EYS: variants seen among roughly 807,000 people sequenced by gnomAD.
The protein encoded by EYS is EGF-like photoreceptor maintenance factor.
EYS carries 250 observed loss-of-function variants against 282.1 expected under a neutral mutation model. The ratio of observed to expected loss-of-function variants is 0.89; its 90% CI spans 0.80 to 0.98. EYS has a LOEUF of 0.98. Ranked by LOEUF, EYS falls within the 50% of genes least tolerant of loss-of-function variation. The pLI, the probability that EYS is intolerant of heterozygous loss-of-function variation, is 0.00. For synonymous variants in EYS, 1,355 were observed against 1,282.9 expected (o/e 1.06, Z -1.20); for missense variants, 4,016 against 3,709.0 (o/e 1.08, Z -2.15).
chr6:63,977,908 A>T (rs1056255427), intron 35 of EYS, among the ~76,000 whole-genome samples: 1 of 152,022 alleles, frequency 6.6e-6, no homozygotes, highest in Non-Finnish European at 1.5e-5. Context: ...CCCACTCTAA[A>T]TTCTTGAACT....
intron 31 of EYS, among the ~76,000 whole-genome samples, chr6:64,198,164 A>ATTTT (rs35484359): frequency 7.2e-6 from 1 of 138,694 alleles, no homozygotes. Context: ...GGCCCGGCTA[A>ATTTT]TTTTTTTTTT....
At chr6:64,816,109 C>CT in intron 21 of EYS, among the ~76,000 whole-genome samples, 1 of 152,016 alleles carries the variant, frequency 6.6e-6, no homozygotes, top group Non-Finnish European at 1.5e-5. Context: ...TAGTGGAATA[C>CT]TTTCCTCAAT....
chr6:64,069,710 A>T (rs1719193166), intron 32 of EYS, among the ~76,000 whole-genome samples: 1 of 152,072 alleles, frequency 6.6e-6, no homozygotes, highest in Non-Finnish European at 1.5e-5. Flanking sequence ...ATTATATGAA[A>T]TGAGTGGTTC....
At chr6:65,046,873 T>C (rs2150152339) in intron 13 of EYS, among the ~76,000 whole-genome samples, 1 of 151,984 alleles carries the variant, frequency 6.6e-6, no homozygotes, top group East Asian at 2.0e-4. Context: ...ATGGCTTTCG[T>C]CACCCCTTTG....
At chr6:65,450,919 T>C (rs949556767) in intron 5 of EYS, among the ~76,000 whole-genome samples, 3 of 152,154 alleles carry the variant, frequency 2.0e-5, no homozygotes, top group Non-Finnish European at 4.4e-5. Context: ...TTTTTTGGTA[T>C]CACCCATTTT....
intron 30 of EYS, among the ~76,000 whole-genome samples, chr6:64,287,230 T>C (rs1768534119): frequency 6.6e-6 from 1 of 152,156 alleles, no homozygotes; most frequent in African/African-American, 2.4e-5. Flanking sequence ...AAAGACAGTA[T>C]GTAATTGTTT....
chr6:65,190,124 A>T (rs918152400), intron 12 of EYS, among the ~76,000 whole-genome samples: 6 of 151,410 alleles, frequency 4.0e-5, no homozygotes, highest in African/African-American at 1.2e-4. Context: ...TATGCAGTGT[A>T]TGTGAGTGAT....
chr6:64,063,893 T>G (rs907945951), intron 33 of EYS, among the ~76,000 whole-genome samples: 1 of 151,064 alleles, frequency 6.6e-6, no homozygotes, highest in Non-Finnish European at 1.5e-5. Flanking sequence ...CCATGCCTAA[T>G]TTTTTTGTAT....
intron 11 of EYS, among the ~76,000 whole-genome samples, chr6:65,324,632 A>G (rs1202010816): frequency 2.0e-5 from 3 of 152,218 alleles, no homozygotes; most frequent in Non-Finnish European, 4.4e-5. Context: ...AGCATAGAGA[A>G]AATGGTACCT....
In EYS at chr6:65,398,034, T is replaced by G. The variant is rs145338679; in HGVS notation, c.1184+4444A>C. Among the ~76,000 whole-genome samples, 622 of 152,164 alleles carry G rather than the reference T, an allele frequency of 4.1e-3. 5 individuals are homozygous for G. The highest frequency in any genetic ancestry group is 0.014 in the African/African-American group (589 of 41,556). ...GATGTTGAGCATTTTTTATATGTTT[T>G]TTGGCTGCTTTTATATCTTCTTTTA... On this transcript the variant is annotated intron_variant, in intron 7 of 42. Transcript: ENST00000503581.
At chr6:64,759,048 A>G (rs1032377232) in intron 22 of EYS, among the ~76,000 whole-genome samples, 2 of 152,198 alleles carry the variant, frequency 1.3e-5, no homozygotes, top group Admixed American at 1.3e-4. Context: ...CTGAGGCAGG[A>G]GAATGGCGTG....
intron 26 of EYS, among the ~76,000 whole-genome samples, chr6:64,470,237 C>T (rs895105902): frequency 7.2e-5 from 11 of 151,976 alleles, no homozygotes; most frequent in African/African-American, 1.2e-4. Context: ...CCACACACAG[C>T]GAAAAACCCA....
rs80205640 is a variant in EYS at position 64,502,659 on chromosome 6, A to C, written c.5645-63307T>G. ...ACATTTAAGTTTTATATAAGGAATA[A>C]ATTCATTTTATTTGTTTTTCTCTGC... On this transcript the variant is annotated intron_variant, in intron 26 of 42. Coordinates refer to ENST00000503581, the MANE Select transcript of EYS (RefSeq NM_001142800.2). 2.9e-3 allele frequency among the ~76,000 whole-genome samples: 442 copies of C among 152,164 alleles called. 18 individuals are homozygous for C. In the East Asian group the frequency reaches 0.075, roughly 26 times the overall value.
rs553507417 is a variant in EYS, at chr6:64,874,741, T to C, written c.2992+11956A>G. Among the ~76,000 whole-genome samples the C allele has an allele frequency of 4.7e-4, 72 of 152,218 alleles. 1 individual carries two copies. The highest frequency in any genetic ancestry group is 1.7e-3 in the African/African-American group (69 of 41,548). ...ACATATAATCAGGATTATCCATAAG[T>C]AAAGCTGGTGATTAGAATATTTATA... On this transcript the variant is annotated intron_variant, in intron 19 of 42. Transcript: ENST00000503581.
chr6:64,345,318 AACCAAAACAGCATGGTACTGGT>A (rs1771340149), intron 29 of EYS, among the ~76,000 whole-genome samples: 1 of 152,180 alleles, frequency 6.6e-6, no homozygotes, highest in Non-Finnish European at 1.5e-5. Flanking sequence ...AGGCTACAGT[AACCAAAACAGCATGGTACTGGT>A]ACCAAAACAG....
intron 5 of EYS, among the ~76,000 whole-genome samples, chr6:65,480,390 C>T (rs534074334): frequency 1.3e-5 from 2 of 152,040 alleles, no homozygotes; most frequent in Admixed American, 1.3e-4. Flanking sequence ...ACAGATACTA[C>T]CATATTATTA....
At chr6:63,947,555 C>G (rs776181973) in intron 35 of EYS, among the ~76,000 whole-genome samples, 1 of 152,002 alleles carries the variant, frequency 6.6e-6, no homozygotes, top group African/African-American at 2.4e-5. Flanking sequence ...TAGGAATTTA[C>G]ATATATAATT....
chr6:65,404,391 A>G (rs1268859391), intron 6 of EYS, among the ~76,000 whole-genome samples: 2 of 151,964 alleles, frequency 1.3e-5, no homozygotes, highest in East Asian at 3.9e-4. Context: ...GTGCATGGAC[A>G]TTTTTATTTA....
intron 30 of EYS, among the ~76,000 whole-genome samples, chr6:64,265,944 T>C (rs1767743180): frequency 1.3e-5 from 2 of 152,148 alleles, no homozygotes; most frequent in Admixed American, 1.3e-4. Context: ...GTGTTAGTTG[T>C]TTTAATCATT....
Sources: allele counts gnomAD v4.1 joint callset (sites outside exome capture counted in the v4.1 genomes callset), GRCh38; gene constraint gnomAD v4.1.1; transcripts MANE v1.5; gene names NCBI Gene and HGNC (gene_info 2026-07-23, HGNC 2026-07-21).